MYO1B: variants seen among roughly 807,000 people sequenced by gnomAD.
MYO1B encodes the protein unconventional myosin-Ib.
A neutral mutation model predicts 159.7 loss-of-function variants in MYO1B; 72 were observed. The observed-to-expected ratio is 0.45, with a 90% CI of 0.37 to 0.55. MYO1B has a LOEUF of 0.55. Ranked by LOEUF, MYO1B falls within the 20% of genes least tolerant of loss-of-function variation. The probability of loss-of-function intolerance (pLI) is 0.00; values close to 1 mark genes in which losing one functional copy is unlikely to be tolerated. For missense variants in MYO1B, 1,062 were observed against 1,364.8 expected, an observed-to-expected ratio of 0.78 and a Z score of 3.50; for synonymous variants, 468 against 473.8, an observed-to-expected ratio of 0.99 and a Z score of 0.16.
At chr2:191,399,130 G>C (rs1696425363) in intron 21 of MYO1B, among the ~76,000 whole-genome samples, 1 of 152,208 alleles carries the variant, frequency 6.6e-6, no homozygotes, top group African/African-American at 2.4e-5. Flanking sequence ...GTCAGGCGTG[G>C]CGGCACGCAC....
rs1461901159 is a variant in MYO1B, at chr2:191,360,713, C to T, written c.645C>T (p.Ala215=). 1 of 1,609,780 alleles carries T rather than the reference C, an allele frequency of 6.2e-7. No individual in the cohort carries two copies. Among genetic ancestry groups the T allele is most frequent in the East Asian group, 2.2e-5 (1 of 44,784 alleles). The change falls in exon 8 of 31, where the codon GCC becomes GCT. Residue 215 remains alanine (A), a synonymous_variant. Coordinates refer to ENST00000392318, the MANE Select transcript of MYO1B (RefSeq NM_001130158.3). ...TGTTCTATCAGCTGCTCTCTGGTGC[C>T]TCTGAAGAGCTCCTCAGTAAGTCTC... ...FHVFYQLLSG[A]SEELLNKLKL...
chr2:191,321,776 A>G (rs1473874118), intron 3 of MYO1B, among the ~76,000 whole-genome samples: 1 of 152,108 alleles, frequency 6.6e-6, no homozygotes, highest in Non-Finnish European at 1.5e-5. Context: ...AGGAGTTTAC[A>G]GATATGTTTA....
At chr2:191,273,951 A>G (rs1687606239) in intron 1 of MYO1B, among the ~76,000 whole-genome samples, 1 of 152,200 alleles carries the variant, frequency 6.6e-6, no homozygotes. Flanking sequence ...ACATGAACTA[A>G]TTTCATTGAC....
chr2:191,400,308 A>G, intron 21 of MYO1B, 74 bp from the exon 22 acceptor site: 1 of 1,478,854 alleles, frequency 6.8e-7, no homozygotes, highest in Non-Finnish European at 9.4e-7. Context: ...TCATCTCTTC[A>G]GGTTTTTTTT....
chr2:191,257,665 T>C (rs1368644637), intron 1 of MYO1B, among the ~76,000 whole-genome samples: 4 of 152,202 alleles, frequency 2.6e-5, no homozygotes, highest in Non-Finnish European at 5.9e-5. Context: ...TGGCATTTTA[T>C]AAGTATCTTA....
intron 1 of MYO1B, among the ~76,000 whole-genome samples, chr2:191,257,841 G>T (rs1686549782): frequency 6.6e-6 from 1 of 152,164 alleles, no homozygotes; most frequent in South Asian, 2.1e-4. Context: ...GTAAGGTGAT[G>T]CCTTTCTGTA....
rs1695668428 is a variant in MYO1B, at chr2:191,390,332, A to C, written c.1822A>C (p.Asn608His). ...TGATAAAAAAGCAGCACACATCTTC[A>C]ACGAGGCTCTAGTGTGTCATCAGAT... Reference protein sequence around the residue: ...PNDKKAAHIFNEALVCHQIRY... With the variant: ...PNDKKAAHIFHEALVCHQIRY... The change falls in exon 18 of 31, where the codon AAC becomes CAC. Residue 608 changes from asparagine to histidine, a missense_variant. Asn to His is a moderately conservative substitution (Grantham distance 68). Transcript: ENST00000392318. The C allele has an allele frequency of 6.2e-7, 1 of 1,614,192 alleles. No individual in the cohort carries two copies. Among genetic ancestry groups the C allele is most frequent in the East Asian group, 2.2e-5 (1 of 44,890 alleles).
chr2:191,373,360 C>G (rs1350558355), intron 13 of MYO1B, among the ~76,000 whole-genome samples: 1 of 152,184 alleles, frequency 6.6e-6, no homozygotes, highest in Non-Finnish European at 1.5e-5. Flanking sequence ...CCAGTGTGCA[C>G]TCAAGGTTGA....
chr2:191,368,937 G>A (rs1351820203), intron 11 of MYO1B, among the ~76,000 whole-genome samples: 1 of 152,084 alleles, frequency 6.6e-6, no homozygotes, highest in Non-Finnish European at 1.5e-5. Context: ...TTGTGCTACT[G>A]CACTCCAGCC....
At chr2:191,339,616 C>CT (rs1321076736) in intron 4 of MYO1B, among the ~76,000 whole-genome samples, 1 of 152,150 alleles carries the variant, frequency 6.6e-6, no homozygotes, top group African/African-American at 2.4e-5. Context: ...ATTTGGATTC[C>CT]TTTTCATTAC....
chr2:191,357,726 C>G (rs567232054), intron 7 of MYO1B, among the ~76,000 whole-genome samples: 15 of 152,274 alleles, frequency 9.9e-5, no homozygotes, highest in African/African-American at 3.6e-4. Flanking sequence ...TTAAAATGGT[C>G]AGGTGGTGAA....
intron 20 of MYO1B, among the ~76,000 whole-genome samples, chr2:191,395,733 G>A (rs1245654170): frequency 6.6e-6 from 1 of 152,212 alleles, no homozygotes; most frequent in Non-Finnish European, 1.5e-5. Context: ...CCACCTGGAA[G>A]TAACCTCTGC....
At chr2:191,262,419 C>T (rs1232459390) in intron 1 of MYO1B, among the ~76,000 whole-genome samples, 3 of 152,174 alleles carry the variant, frequency 2.0e-5, no homozygotes, top group African/African-American at 7.2e-5. Context: ...GCTTAAGCCT[C>T]CTTTAAATTT....
Position 191,330,021 on chromosome 2 carries a change from G to T in MYO1B, c.338G>T (p.Gly113Val). ...CILITGESGA[G>V]KTEASKLVMS... ...CTCATTACTGGGGAAAGTGGAGCAG[G>T]AAAAACAGGTAAGGCTCCTACCAAG... The change falls in exon 4 of 31, where the codon GGA (glycine) becomes GTA (valine). Residue 113 changes from glycine to valine, a missense_variant. This residue lies in a region of MYO1B where 415 missense variants were observed against 544.0 expected (regional missense o/e 0.76). Coordinates refer to ENST00000392318, the MANE Select transcript of MYO1B (RefSeq NM_001130158.3). The T allele has an allele frequency of 6.2e-7, 1 of 1,611,458 alleles. No individual in the cohort carries two copies. Among genetic ancestry groups the T allele is most frequent in the South Asian group, 1.1e-5 (1 of 90,832 alleles).
intron 3 of MYO1B, among the ~76,000 whole-genome samples, chr2:191,298,646 G>A (rs1042360292): frequency 6.6e-6 from 1 of 152,118 alleles, no homozygotes; most frequent in African/African-American, 2.4e-5. Context: ...ACTGCAATTT[G>A]TGATCTTTAA....
At chr2:191,367,098 G>C (rs1301111049) in intron 11 of MYO1B, among the ~76,000 whole-genome samples, 1 of 151,952 alleles carries the variant, frequency 6.6e-6, no homozygotes, top group African/African-American at 2.4e-5. Flanking sequence ...AGAAGTGCAT[G>C]GTCTTTTCAT....
intron 1 of MYO1B, among the ~76,000 whole-genome samples, chr2:191,275,386 T>C (rs187260009): frequency 2.4e-4 from 36 of 152,266 alleles, no homozygotes; most frequent in African/African-American, 8.4e-4. Flanking sequence ...AAAAACTTGT[T>C]TTAATAGGAT....
chr2:191,340,228 A>G (rs2125947204), intron 4 of MYO1B, among the ~76,000 whole-genome samples: 1 of 152,154 alleles, frequency 6.6e-6, no homozygotes, highest in East Asian at 1.9e-4. Flanking sequence ...TAGAAAATAA[A>G]TTAGGGAAAC....
At chr2:191,251,304 G>C (rs1686099051) in intron 1 of MYO1B, among the ~76,000 whole-genome samples, 1 of 152,272 alleles carries the variant, frequency 6.6e-6, no homozygotes, top group Admixed American at 6.5e-5. Flanking sequence ...AGCTCGCTCA[G>C]ATCTTTGATG....
Sources: allele counts gnomAD v4.1 joint callset (sites outside exome capture counted in the v4.1 genomes callset), GRCh38; gene constraint gnomAD v4.1.1; regional missense constraint gnomAD v4.1.1; transcripts MANE v1.5; gene names NCBI Gene and HGNC (gene_info 2026-07-23, HGNC 2026-07-21).